The following FREM2 variants were observed in gnomAD, a reference collection of about 807,000 sequenced individuals.
The protein encoded by FREM2 is FRAS1 related extracellular matrix 2.
FREM2 carries 119 observed loss-of-function variants against 219.9 expected under a neutral mutation model. That is an observed-to-expected ratio of 0.54 (90% CI 0.47 to 0.63). The LOEUF is 0.63. FREM2 is among the 30% of genes least tolerant of loss of function. The probability of loss-of-function intolerance (pLI) is 0.00; values close to 1 mark genes in which losing one functional copy is unlikely to be tolerated. For missense variants in FREM2, 4,030 were observed against 3,993.6 expected, an observed-to-expected ratio of 1.01 and a Z score of -0.25; for synonymous variants, 1,562 against 1,522.8, an observed-to-expected ratio of 1.03 and a Z score of -0.60.
intron 2 of FREM2, among the ~76,000 whole-genome samples, chr13:38,761,475 C>A (rs187173090): frequency 1.3e-5 from 2 of 151,780 alleles, no homozygotes; most frequent in African/African-American, 4.8e-5. Context: ...ATTAATGGAA[C>A]GTAAACACAA....
At chr13:38,719,196 A>G (rs1297583575) in intron 2 of FREM2, among the ~76,000 whole-genome samples, 2 of 152,130 alleles carry the variant, frequency 1.3e-5, no homozygotes, top group African/African-American at 4.8e-5. Flanking sequence ...CCCTTCTTCC[A>G]GCTTCAAAGC....
chr13:38,877,319 T>C (rs995645885), intron 21 of FREM2, 76 bp downstream of exon 21: 43 of 1,483,072 alleles, frequency 2.9e-5, no homozygotes, highest in Non-Finnish European at 4.0e-5. Context: ...GGGATTGTGT[T>C]TGAGGGGGCA....
chr13:38,740,210 A>G (rs1040578317), intron 2 of FREM2, among the ~76,000 whole-genome samples: 4 of 152,208 alleles, frequency 2.6e-5, no homozygotes, highest in African/African-American at 4.8e-5. Flanking sequence ...AAGTGGTAGA[A>G]TAAGTTTGCT....
chr13:38,692,305 GTGT>G lies in FREM2; in HGVS notation c.4962_4964del (p.Val1655del), dbSNP rs1869921208. 17 of 1,610,926 alleles carry G rather than the reference GTGT, an allele frequency of 1.1e-5. No homozygotes were observed. The South Asian group carries it at 1.9e-4, about 18-fold the overall frequency. ...ATCCAGGTCTTGGCTGTTGACAACA[GTGT>G]CCCCCAAATCGCAGTGAATAAGGGG... On this transcript the variant is annotated inframe_deletion, in exon 1 of 24. Coordinates refer to ENST00000280481, the MANE Select transcript of FREM2 (RefSeq NM_207361.6).
intron 11 of FREM2, among the ~76,000 whole-genome samples, chr13:38,855,042 C>T (rs572178290): frequency 6.6e-6 from 1 of 152,154 alleles, no homozygotes; most frequent in Middle Eastern, 3.4e-3. Context: ...CCATGGTTTA[C>T]AGTATGATCA....
At chr13:38,707,910 C>T (rs1353582418) in intron 2 of FREM2, among the ~76,000 whole-genome samples, 2 of 152,190 alleles carry the variant, frequency 1.3e-5, no homozygotes, top group African/African-American at 2.4e-5. Flanking sequence ...TTTCTTCTTG[C>T]CACCTAAACC....
chr13:38,880,543 A>G lies in FREM2; in HGVS notation c.9266A>G (p.His3089Arg), dbSNP rs76949956. 5.0e-4 allele frequency: 815 copies of G among 1,614,168 alleles called. 2 individuals carry two copies. In the African/African-American group the frequency reaches 9.6e-3, roughly 19 times the overall value. ...ALDRTKRQIP[H>R]GRAPPDGILP... ...GACCGCACCAAGAGGCAGATCCCCC[A>G]TGGGAGAGCACCTCCAGATGGCATC... The change falls in exon 24 of 24, where the codon CAT (histidine) becomes CGT (arginine). Residue 3089 changes from histidine (H) to arginine (R), a missense_variant. Transcript: ENST00000280481.
intron 6 of FREM2, among the ~76,000 whole-genome samples, chr13:38,840,091 C>A (rs77155967): frequency 6.6e-6 from 1 of 152,120 alleles, no homozygotes; most frequent in Non-Finnish European, 1.5e-5. Flanking sequence ...GGTATAGGCA[C>A]CCGAAGGAAT....
intron 2 of FREM2, among the ~76,000 whole-genome samples, chr13:38,732,648 G>T (rs1871816219): frequency 6.6e-6 from 1 of 152,196 alleles, no homozygotes; most frequent in African/African-American, 2.4e-5. Context: ...GCCCCGAGCT[G>T]TGCAGTCCTT....
chr13:38,823,543 C>G (rs1876153508), intron 6 of FREM2, among the ~76,000 whole-genome samples: 1 of 152,038 alleles, frequency 6.6e-6, no homozygotes. Context: ...AGCCCCCAAA[C>G]ATATGAGGCT....
At chr13:38,851,201 C>A in intron 10 of FREM2, 93 bp downstream of exon 10, 1 of 1,246,570 alleles carries the variant, frequency 8.0e-7, no homozygotes, top group Non-Finnish European at 1.1e-6. Context: ...ATGCCCCCAC[C>A]TCCTCTGCTT....
chr13:38,809,831 A>G (rs1875406204), intron 6 of FREM2, among the ~76,000 whole-genome samples: 1 of 152,072 alleles, frequency 6.6e-6, no homozygotes, highest in African/African-American at 2.4e-5. Context: ...GTGATTCCAT[A>G]TAAATTTTAG....
intron 2 of FREM2, among the ~76,000 whole-genome samples, chr13:38,722,679 A>T (rs1341126760): frequency 1.3e-5 from 2 of 151,706 alleles, no homozygotes; most frequent in African/African-American, 4.8e-5. Context: ...GCATATTTTG[A>T]GAACCACTGT....
At chr13:38,872,695 T>G in intron 16 of FREM2, 47 bp from the exon 17 acceptor site, 1 of 1,540,804 alleles carries the variant, frequency 6.5e-7, no homozygotes, top group Non-Finnish European at 9.0e-7. Context: ...TTAGGCCCAC[T>G]TAGTTAACAC....
chr13:38,757,766 T>C (rs1873072051), intron 2 of FREM2, among the ~76,000 whole-genome samples: 1 of 152,104 alleles, frequency 6.6e-6, no homozygotes, highest in South Asian at 2.1e-4. Context: ...AACTTTTGTA[T>C]TTTTAGTAGA....
intron 6 of FREM2, among the ~76,000 whole-genome samples, chr13:38,836,674 A>C (rs1876720060): frequency 6.6e-6 from 1 of 152,138 alleles, no homozygotes; most frequent in Non-Finnish European, 1.5e-5. Flanking sequence ...TAGTCTTGGA[A>C]GGGTGTATGT....
chr13:38,729,108 A>G (rs374826452), intron 2 of FREM2, among the ~76,000 whole-genome samples: 12 of 152,158 alleles, frequency 7.9e-5, no homozygotes, highest in East Asian at 3.9e-4. Flanking sequence ...CTTCTCTTAG[A>G]GAGTCACAGT....
intron 11 of FREM2, among the ~76,000 whole-genome samples, chr13:38,852,707 T>TC (rs1442566584): frequency 1.3e-5 from 2 of 149,504 alleles, no homozygotes; most frequent in Admixed American, 1.3e-4. Context: ...TCACCATCTT[T>TC]TTTTTTTTTT....
Position 38,880,545 on chromosome 13 carries a change from G to T in FREM2, c.9268G>T (p.Gly3090Trp). The T allele has an allele frequency of 1.2e-6, 2 of 1,614,176 alleles. No homozygotes were observed. The highest frequency in any genetic ancestry group is 1.7e-6 in the Non-Finnish European group (2 of 1,180,026). Residue 3090 changes from glycine to tryptophan, a missense_variant, in exon 24 of 24, where the codon GGG (glycine) becomes TGG (tryptophan). Transcript: ENST00000280481. ...LDRTKRQIPH[G>W]RAPPDGILPW... ...CCGCACCAAGAGGCAGATCCCCCAT[G>T]GGAGAGCACCTCCAGATGGCATCCT...
Sources: gnomAD v4.1 joint callset for allele counts (sites outside exome capture counted in the v4.1 genomes callset) on GRCh38, gnomAD v4.1.1 for gene constraint, MANE v1.5 for transcripts, NCBI Gene and HGNC (gene_info 2026-07-23, HGNC 2026-07-21) for gene names.